USP15: variants seen among roughly 807,000 people sequenced by gnomAD.
USP15 encodes ubiquitin specific peptidase 15.
USP15 carries 18 observed loss-of-function variants against 127.1 expected under a neutral mutation model. The observed-to-expected ratio is 0.14, with a 90% CI of 0.10 to 0.21. USP15 has a LOEUF of 0.21. Among genes scored for constraint, USP15 ranks in the 10% least tolerant of loss-of-function variants. The probability of loss-of-function intolerance (pLI) is 1.00; values close to 1 mark genes in which losing one functional copy is unlikely to be tolerated. For missense variants in USP15, 805 were observed against 1,159.9 expected (o/e 0.69, Z 4.44); for synonymous variants, 364 against 393.7 (o/e 0.92, Z 0.89).
chr12:62,401,413 T>A (rs2137668264), intron 21 of USP15, 138 bp downstream of exon 21: 1 of 527,174 alleles, frequency 1.9e-6, no homozygotes, highest in Middle Eastern at 3.6e-4. Context: ...TAACTCTTAT[T>A]TAAAGAAATG....
chr12:62,391,313 G>C lies in USP15; in HGVS notation c.2117G>C (p.Gly706Ala). Reference sequence around the variant, plus strand: ...GATACTTGCAAAGGTCAACTCACGGGACACAAAAAACGATTGTTTACATTC... The same window carrying C: ...GATACTTGCAAAGGTCAACTCACGGCACACAAAAAACGATTGTTTACATTC... ...TEDTCKGQLT[G>A]HKKRLFTFQF... The change falls in exon 16 of 22, where the codon GGA (glycine) becomes GCA (alanine). Residue 706 changes from glycine to alanine, a missense_variant. Coordinates refer to ENST00000280377, the MANE Select transcript of USP15 (RefSeq NM_001252078.2). The C allele has an allele frequency of 1.2e-6, 2 of 1,613,216 alleles. No homozygotes were observed. Among genetic ancestry groups the C allele is most frequent in the African/African-American group, 1.3e-5 (1 of 74,938 alleles).
At chr12:62,304,852 T>C (rs769662608) in intron 3 of USP15, 3 of 254,794 alleles carry the variant, frequency 1.2e-5, no homozygotes, top group Non-Finnish European at 2.4e-5. Flanking sequence ...AAAAGGCAGA[T>C]GAGAAGTAGG....
rs2068003677 is a variant in USP15, at chr12:62,410,157, A to G, written c.*5782A>G. The G allele has an allele frequency of 6.6e-6, 1 of 152,114 alleles. No individual in the cohort carries two copies. Among genetic ancestry groups the G allele is most frequent in the Non-Finnish European group, 1.5e-5 (1 of 68,006 alleles). The allele number at this position is 152,114 out of a possible 1,614,324, so 9.4% of individuals were successfully genotyped here. On this transcript the variant is annotated 3_prime_UTR_variant, in exon 22 of 22. Coordinates refer to ENST00000280377, the MANE Select transcript of USP15 (RefSeq NM_001252078.2). ...CCATTATATCAAGTGGGCAATATTTAAATTGTCTGATAAGTTCATCCAAAT... is the reference window on the plus strand; with the variant it reads ...CCATTATATCAAGTGGGCAATATTTGAATTGTCTGATAAGTTCATCCAAAT...
At chr12:62,332,056 C>A (rs1269605) in intron 6 of USP15, among the ~76,000 whole-genome samples, 3,338 of 151,576 alleles carry the variant, frequency 0.022, 124 homozygotes, top group African/African-American at 0.075. Context: ...CCCAGCTACT[C>A]GGGAGGCTGA....
rs1025318053 is a variant in USP15 at position 62,337,254 on chromosome 12, C to T, written c.683+11321C>T. Among the ~76,000 whole-genome samples the T allele has an allele frequency of 2.6e-5, 4 of 152,008 alleles. No homozygotes were observed. In the South Asian group the frequency reaches 8.3e-4, roughly 31 times the overall value. On this transcript the variant is annotated intron_variant, in intron 6 of 21. Transcript: ENST00000280377. ...TTCCTTCATTCATTTTTCAGAAAACCTCTGCTTGATAGCTGTATTAGTCCA... is the reference window on the plus strand; with the variant it reads ...TTCCTTCATTCATTTTTCAGAAAACTTCTGCTTGATAGCTGTATTAGTCCA...
rs2068121876 is a variant in USP15 at position 62,414,976 on chromosome 12, A to ACATATATATCATATATG, written c.*10601_*10602insCATATATATCATATATG. 2 of 147,158 alleles carry ACATATATATCATATATG rather than the reference A, an allele frequency of 1.4e-5. No homozygotes were observed. The highest frequency in any genetic ancestry group is 5.1e-5 in the African/African-American group (2 of 39,544). The allele number at this position is 147,158 out of a possible 1,614,324, so 9.1% of individuals were successfully genotyped here. On this transcript the variant is annotated 3_prime_UTR_variant, in exon 22 of 22. Coordinates refer to ENST00000280377, the MANE Select transcript of USP15 (RefSeq NM_001252078.2). ...CCTCATATATACACATATCATGTATATACATATATATCATATATGTACATA... is the reference window on the plus strand; with the variant it reads ...CCTCATATATACACATATCATGTATACATATATATCATATATGTACATATATATCATATATGTACATA...
chr12:62,273,365 A>G (rs780435245), intron 1 of USP15, among the ~76,000 whole-genome samples: 4 of 151,948 alleles, frequency 2.6e-5, no homozygotes, highest in Admixed American at 6.6e-5. Context: ...TCTCTCCTCC[A>G]CTGGACTCTT....
At chr12:62,376,226 A>G (rs896899933) in intron 8 of USP15, among the ~76,000 whole-genome samples, 1 of 152,088 alleles carries the variant, frequency 6.6e-6, no homozygotes, top group African/African-American at 2.4e-5. Flanking sequence ...TATAAAAATA[A>G]CCTAGTTAAT....
At chr12:62,320,851 G>C (rs1254826212) in intron 4 of USP15, among the ~76,000 whole-genome samples, 1 of 151,912 alleles carries the variant, frequency 6.6e-6, no homozygotes, top group African/African-American at 2.4e-5. Context: ...CTATTTTCTT[G>C]AGTTGATTAG....
chr12:62,272,483 T>G (rs1433132888), intron 1 of USP15, among the ~76,000 whole-genome samples: 1 of 152,016 alleles, frequency 6.6e-6, no homozygotes, highest in African/African-American at 2.4e-5. Flanking sequence ...CTTTACTACC[T>G]CTCTGGTTTC....
chr12:62,359,205 C>T (rs10877830), intron 8 of USP15, among the ~76,000 whole-genome samples: 2 of 144,298 alleles, frequency 1.4e-5, no homozygotes, highest in South Asian at 2.2e-4. Context: ...TCCCAGGACT[C>T]TGAGGAACAG....
chr12:62,265,111 C>T lies in USP15; in HGVS notation c.89+4608C>T, dbSNP rs1220382990. ...TCCAGGGTTAATGTACCCTAATAGT[C>T]CAGGAAGGTCCAGAGCTAGTCAATG... On this transcript the variant is annotated intron_variant, in intron 1 of 21. Transcript: ENST00000280377. Among the ~76,000 whole-genome samples, 6 of 152,096 alleles carry T rather than the reference C, an allele frequency of 3.9e-5. No individual in the cohort carries two copies. The East Asian group carries it at 1.2e-3, about 29-fold the overall frequency.
At chr12:62,320,295 C>G (rs1031232076) in intron 4 of USP15, among the ~76,000 whole-genome samples, 43 of 152,088 alleles carry the variant, frequency 2.8e-4, no homozygotes, top group African/African-American at 9.2e-4. Context: ...GTGTGTAGCA[C>G]TTCCCCCTTC....
chr12:62,267,092 A>C (rs190733992), intron 1 of USP15: 2 of 152,082 alleles, frequency 1.3e-5, no homozygotes, highest in African/African-American at 4.8e-5. Flanking sequence ...CTTGTATAGA[A>C]TTTTTCAACA....
At chr12:62,323,600 A>AC (rs1216603042) in intron 5 of USP15, among the ~76,000 whole-genome samples, 1 of 152,152 alleles carries the variant, frequency 6.6e-6, no homozygotes, top group Non-Finnish European at 1.5e-5. Context: ...TGATTAGCCA[A>AC]CACCGCCCTT....
At chr12:62,293,200 T>C (rs1199237079) in intron 1 of USP15, among the ~76,000 whole-genome samples, 1 of 152,176 alleles carries the variant, frequency 6.6e-6, no homozygotes, top group Non-Finnish European at 1.5e-5. Flanking sequence ...ACACTCTCGC[T>C]TACCCTTTCC....
chr12:62,260,924 C>G (rs936584880), intron 1 of USP15, among the ~76,000 whole-genome samples: 1 of 152,132 alleles, frequency 6.6e-6, no homozygotes, highest in African/African-American at 2.4e-5. Context: ...ATTTCCTTTC[C>G]TAGAATTGTC....
intron 5 of USP15, among the ~76,000 whole-genome samples, chr12:62,323,191 T>G (rs538504168): frequency 6.6e-6 from 1 of 152,318 alleles, no homozygotes; most frequent in African/African-American, 2.4e-5. Context: ...ATATTTGTTT[T>G]GTATCGTTCA....
intron 4 of USP15, 139 bp downstream of exon 4, chr12:62,315,055 C>G: frequency 3.9e-6 from 3 of 768,484 alleles, no homozygotes; most frequent in Admixed American, 7.1e-5. Flanking sequence ...GATACAATGT[C>G]TTAGAGTTAA....
Sources: allele counts gnomAD v4.1 joint callset (sites outside exome capture counted in the v4.1 genomes callset), GRCh38; gene constraint gnomAD v4.1.1; transcripts MANE v1.5; gene names NCBI Gene and HGNC (gene_info 2026-07-23, HGNC 2026-07-21).